PIK3C2B: variants seen among roughly 807,000 people sequenced by gnomAD.
PIK3C2B encodes phosphatidylinositol 4-phosphate 3-kinase C2 domain-containing subunit beta.
In PIK3C2B, 83 loss-of-function variants were observed where a neutral mutation model predicts 184.3. That is an observed-to-expected ratio of 0.45 (90% CI 0.38 to 0.54). PIK3C2B has a LOEUF of 0.54. PIK3C2B is among the 20% of genes least tolerant of loss of function. The pLI is 0.00. For synonymous variants in PIK3C2B, 779 were observed against 837.6 expected, an observed-to-expected ratio of 0.93 and a Z score of 1.21; for missense variants, 1,736 against 2,113.5, an observed-to-expected ratio of 0.82 and a Z score of 3.50.
chr1:204,457,930 C>A, intron 8 of PIK3C2B, 56 bp from the exon 9 acceptor site: 1 of 1,530,376 alleles, frequency 6.5e-7, no homozygotes, highest in Admixed American at 1.8e-5. Flanking sequence ...TCTTGGTCTC[C>A]AACCCCTCCC....
At chr1:204,429,348 G>C (rs1443272780) in intron 29 of PIK3C2B, among the ~76,000 whole-genome samples, 1 of 152,164 alleles carries the variant, frequency 6.6e-6, no homozygotes, top group African/African-American at 2.4e-5. Context: ...GTTGGTGTCT[G>C]AAGGAACAGA....
chr1:204,454,026 C>T (rs1234216041), intron 12 of PIK3C2B, among the ~76,000 whole-genome samples: 1 of 151,820 alleles, frequency 6.6e-6, no homozygotes, highest in East Asian at 2.0e-4. Flanking sequence ...CCGCCCGCCT[C>T]GGCCTCCCAA....
At chr1:204,488,429 G>C (rs1188350879) in intron 1 of PIK3C2B, among the ~76,000 whole-genome samples, 1 of 152,116 alleles carries the variant, frequency 6.6e-6, no homozygotes, top group Non-Finnish European at 1.5e-5. Flanking sequence ...TATCAGTATA[G>C]AATTCCTGTC....
At chr1:204,431,462 G>C in intron 28 of PIK3C2B, 2 of 608,658 alleles carry the variant, frequency 3.3e-6, no homozygotes, top group South Asian at 3.9e-5. Context: ...CTGGCCAGTG[G>C]GCCTGGAGTG....
At position 204,431,292 on chromosome 1, in the gene PIK3C2B, A is replaced by G. The variant is rs1675041461; in HGVS notation, c.4280+377T>C. On this transcript the variant is annotated intron_variant, in intron 28 of 32. Coordinates refer to ENST00000684373, the MANE Select transcript of PIK3C2B (RefSeq NM_001377334.1). Reference sequence around the variant, plus strand: ...ACTTAGCAGAATGTCCTCAAGGTCCATCCACGTTGTTACCCGTGTCGAAAT... The same window carrying G: ...ACTTAGCAGAATGTCCTCAAGGTCCGTCCACGTTGTTACCCGTGTCGAAAT... 3 of 273,998 alleles carry G rather than the reference A, an allele frequency of 1.1e-5. No homozygotes were observed. In the South Asian group the frequency reaches 1.3e-4, roughly 12 times the overall value. The allele number at this position is 273,998 out of a possible 1,614,324, so 17.0% of individuals were successfully genotyped here. A position where few individuals can be genotyped will look rare whatever the true frequency, so the allele number is the denominator to read the frequency against.
chr1:204,425,935 A>G (rs1394390227), intron 31 of PIK3C2B, among the ~76,000 whole-genome samples, 194 bp from the exon 32 acceptor site: 1 of 152,220 alleles, frequency 6.6e-6, no homozygotes, highest in Admixed American at 6.5e-5. Flanking sequence ...ATTGTGTCCT[A>G]TTAAAACATC....
intron 12 of PIK3C2B, among the ~76,000 whole-genome samples, chr1:204,452,288 CTT>C (rs71145086): frequency 4.2e-5 from 3 of 71,048 alleles, no homozygotes; most frequent in Admixed American, 2.3e-4. Context: ...GTGCAGCACC[CTT>C]TTTTTTTTTT....
chr1:204,460,464 A>T, intron 6 of PIK3C2B, 61 bp from the exon 7 acceptor site: 1 of 1,536,504 alleles, frequency 6.5e-7, no homozygotes, highest in Non-Finnish European at 9.0e-7. Flanking sequence ...CAGCACTCCT[A>T]CCCCCCTCCC....
chr1:204,457,201 CAG>C (rs1654945462), intron 9 of PIK3C2B, 131 bp from the exon 10 acceptor site: 2 of 713,978 alleles, frequency 2.8e-6, no homozygotes, highest in Admixed American at 5.3e-5. Flanking sequence ...TGAGAATCCC[CAG>C]AGAGGAGAGA....
intron 12 of PIK3C2B, among the ~76,000 whole-genome samples, chr1:204,450,348 T>C (rs1002851379): frequency 6.6e-6 from 1 of 152,172 alleles, no homozygotes; most frequent in African/African-American, 2.4e-5. Flanking sequence ...ACACGTCCCA[T>C]GTTGTCAGCC....
chr1:204,456,873 AACACACACACACAC>A (rs747482741), intron 10 of PIK3C2B, among the ~76,000 whole-genome samples, 150 bp downstream of exon 10: 1 of 141,512 alleles, frequency 7.1e-6, no homozygotes, highest in Non-Finnish European at 1.5e-5. Context: ...CTCATATAGG[AACACACACACACAC>A]ACACACACAC....
In PIK3C2B at chr1:204,446,083, T is replaced by C; in HGVS notation, c.2551A>G (p.Ser851Gly). The change falls in exon 16 of 33, where the codon AGC (serine) becomes GGC (glycine). Residue 851 changes from serine to glycine, a missense_variant. By Grantham distance (56) the Ser-to-Gly change is moderately conservative. Transcript: ENST00000684373. ...CTGGCGAGCACCAGGGGGAGCGAGC[T>C]CACCTCCGAGTGGCAGTAATATCGC... ...EKRYYCHSEV[S>G]SLPLVLASAP... is the part of the protein sequence containing the mutation. 1 of 1,598,090 alleles carries C rather than the reference T, an allele frequency of 6.3e-7. No individual in the cohort carries two copies. The highest frequency in any genetic ancestry group is 1.1e-5 in the South Asian group (1 of 89,378).
In PIK3C2B at chr1:204,433,914, G is replaced by A. The variant is rs1201752006; in HGVS notation, c.3722C>T (p.Ala1241Val). ...RAPFVFTSDMAYVINGGDKPS... is the reference protein window; with the variant it reads ...RAPFVFTSDMVYVINGGDKPS... ...CTTGTCACCCCCGTTGATGACATAC[G>A]CCATGTCCGAGGTGAAGACAAAGGG... is the stretch of plus-strand genomic sequence containing the variant. Residue 1241 changes from alanine (A) to valine (V), a missense_variant, in exon 25 of 33, where the codon GCG (alanine) becomes GTG (valine). Coordinates refer to ENST00000684373, the MANE Select transcript of PIK3C2B (RefSeq NM_001377334.1). The surrounding 1 kb of genome is among the most constrained non-coding windows in gnomAD (Gnocchi z 5.0). 4.3e-6 allele frequency: 7 copies of A among 1,613,832 alleles called. No homozygotes were observed. Among genetic ancestry groups the A allele is most frequent in the African/African-American group, 2.7e-5 (2 of 74,902 alleles).
chr1:204,427,188 C>T (rs903820864), intron 31 of PIK3C2B, among the ~76,000 whole-genome samples: 1 of 151,922 alleles, frequency 6.6e-6, no homozygotes, highest in Non-Finnish European at 1.5e-5. Flanking sequence ...TCTTAGAACT[C>T]GTACCAAAAA....
Position 204,424,805 on chromosome 1 carries a change from C to T in PIK3C2B, c.*47G>A, listed in dbSNP as rs1674659245. 1.9e-6 allele frequency: 3 copies of T among 1,592,676 alleles called. No individual in the cohort carries two copies. Among genetic ancestry groups the T allele is most frequent in the Admixed American group, 1.7e-5 (1 of 59,966 alleles). ...TCTCACAGGGGAGAGTCCTCTCCCC[C>T]AGCTCCTGCCACCAGCCTGGGATGC... On this transcript the variant is annotated 3_prime_UTR_variant, in exon 33 of 33. Coordinates refer to ENST00000684373, the MANE Select transcript of PIK3C2B (RefSeq NM_001377334.1).
chr1:204,487,475 C>T (rs1252402382), intron 1 of PIK3C2B, among the ~76,000 whole-genome samples: 2 of 152,178 alleles, frequency 1.3e-5, no homozygotes, highest in African/African-American at 2.4e-5. Context: ...GAAGTACATG[C>T]TCCAGTACAG....
In PIK3C2B at chr1:204,424,810, C is replaced by A; in HGVS notation, c.*42G>T. 6.2e-7 allele frequency: 1 copy of A among 1,600,832 alleles called. No homozygotes were observed. The highest frequency in any genetic ancestry group is 8.6e-7 in the Non-Finnish European group (1 of 1,168,134). ...CAGGGGAGAGTCCTCTCCCCCAGCT[C>A]CTGCCACCAGCCTGGGATGCTGGGT... is the stretch of plus-strand genomic sequence containing the variant. On this transcript the variant is annotated 3_prime_UTR_variant, in exon 33 of 33. Transcript: ENST00000684373.
intron 12 of PIK3C2B, among the ~76,000 whole-genome samples, chr1:204,454,264 C>T (rs567261505): frequency 4.0e-5 from 6 of 150,972 alleles, no homozygotes; most frequent in South Asian, 4.2e-4. Flanking sequence ...GGGCAGATCA[C>T]GAGGTCAGGA....
chr1:204,456,924 A>ACACACACACACACACACACC (rs377111253), intron 10 of PIK3C2B, 113 bp downstream of exon 10: 3 of 547,964 alleles, frequency 5.5e-6, no homozygotes, highest in African/African-American at 3.9e-5. Flanking sequence ...ACACACACAC[A>ACACACACACACACACACACC]CCAGCCGAAC....
Sources: gnomAD v4.1 joint callset for allele counts (sites outside exome capture counted in the v4.1 genomes callset) on GRCh38, gnomAD v4.1.1 for gene constraint, Gnocchi (gnomAD v3.1) non-coding constraint, MANE v1.5 for transcripts, NCBI Gene and HGNC (gene_info 2026-07-23, HGNC 2026-07-21) for gene names.